CDK14: variants seen among roughly 807,000 people sequenced by gnomAD.
The protein encoded by CDK14 is cyclin-dependent kinase 14.
Under a neutral mutation model 60.7 loss-of-function variants are expected in CDK14, and 34 were observed. The ratio of observed to expected loss-of-function variants is 0.56; its 90% CI spans 0.43 to 0.75. The LOEUF is 0.75. Among genes scored for constraint, CDK14 ranks in the 30% least tolerant of loss-of-function variants. The pLI is 0.00. For missense variants in CDK14, 482 were observed against 564.1 expected (o/e 0.85, Z 1.47); for synonymous variants, 197 against 203.7 (o/e 0.97, Z 0.28).
chr7:90,875,234 A>G (rs1425998636), intron 6 of CDK14, among the ~76,000 whole-genome samples: 1 of 152,224 alleles, frequency 6.6e-6, no homozygotes, highest in East Asian at 1.9e-4. Context: ...CTTTGGATAT[A>G]CATTTTATCT....
At chr7:91,167,418 G>A (rs1012641462) in intron 14 of CDK14, among the ~76,000 whole-genome samples, 2 of 152,178 alleles carry the variant, frequency 1.3e-5, no homozygotes, top group African/African-American at 4.8e-5. Flanking sequence ...GTCAACATGA[G>A]GCCATAAGGT....
intron 10 of CDK14, among the ~76,000 whole-genome samples, chr7:91,026,514 A>AG (rs1240074266): frequency 6.6e-6 from 1 of 152,218 alleles, no homozygotes; most frequent in East Asian, 1.9e-4. Flanking sequence ...CTGATGTGTT[A>AG]GAGTATCTTT....
intron 4 of CDK14, 82 bp from the exon 5 acceptor site, chr7:90,790,491 G>A: frequency 1.2e-6 from 1 of 828,940 alleles, no homozygotes; most frequent in South Asian, 2.0e-5. Context: ...AATTTATTTA[G>A]TTATATAAAT....
intron 11 of CDK14, among the ~76,000 whole-genome samples, chr7:91,056,141 G>A (rs544881728): frequency 2.6e-5 from 4 of 152,252 alleles, no homozygotes; most frequent in East Asian, 3.9e-4. Flanking sequence ...GTTGTCCCTC[G>A]TCTTCAAGGT....
At position 90,635,849 on chromosome 7, in the gene CDK14, C is replaced by T. The variant is rs868852408; in HGVS notation, c.123+31600C>T. 7.4e-3 allele frequency among the ~76,000 whole-genome samples: 1,117 copies of T among 151,800 alleles called. 12 individuals carry two copies. The highest frequency in any genetic ancestry group is 0.024 in the African/African-American group (979 of 41,390). On this transcript the variant is annotated intron_variant, in intron 2 of 14. Transcript: ENST00000380050. ...TAGTTCTCCTTGAAGAGGTCCTTCA[C>T]GTCCCTTGTAAGTTGGATTCCTAGA...
intron 2 of CDK14, among the ~76,000 whole-genome samples, chr7:90,619,311 A>G (rs974984845): frequency 6.6e-6 from 1 of 152,232 alleles, no homozygotes; most frequent in Non-Finnish European, 1.5e-5. Flanking sequence ...CCCATTTCAA[A>G]TAACACAATT....
chr7:90,897,501 G>C (rs1792374853), intron 6 of CDK14, among the ~76,000 whole-genome samples: 1 of 151,970 alleles, frequency 6.6e-6, no homozygotes, highest in South Asian at 2.1e-4. Context: ...ATAGTATAAT[G>C]AGCATTATTT....
chr7:90,647,417 T>A (rs1426458850), intron 2 of CDK14, among the ~76,000 whole-genome samples: 1 of 152,188 alleles, frequency 6.6e-6, no homozygotes, highest in Non-Finnish European at 1.5e-5. Context: ...TATAAGTGAA[T>A]CTTATTTCTA....
chr7:91,086,443 G>A (rs1032148854), intron 12 of CDK14, among the ~76,000 whole-genome samples: 7 of 152,060 alleles, frequency 4.6e-5, no homozygotes, highest in Non-Finnish European at 1.0e-4. Context: ...TTAGGGGTTA[G>A]ACACACAGCT....
At chr7:90,956,712 C>A (rs1584165923) in intron 9 of CDK14, among the ~76,000 whole-genome samples, 1 of 151,964 alleles carries the variant, frequency 6.6e-6, no homozygotes, top group African/African-American at 2.4e-5. Flanking sequence ...GCGCTGCACC[C>A]ACTAACTCTT....
chr7:91,176,145 A>G lies in CDK14; in HGVS notation c.*29-31020A>G, dbSNP rs1384622984. On this transcript the variant is annotated intron_variant, in intron 14 of 14. Coordinates refer to ENST00000380050, the MANE Select transcript of CDK14 (RefSeq NM_001287135.2). ...CAGTGCAATCAAACTAGAACTCAGG[A>G]TTAAGAATCTCACTCAAAACTGCTC... 3.6e-4 allele frequency among the ~76,000 whole-genome samples: 55 copies of G among 151,776 alleles called. 1 individual carries two copies. The highest frequency in any genetic ancestry group is 4.4e-5 in the Non-Finnish European group (3 of 67,846).
At chr7:90,971,599 G>A (rs1203687148) in intron 9 of CDK14, among the ~76,000 whole-genome samples, 2 of 145,874 alleles carry the variant, frequency 1.4e-5, no homozygotes, top group African/African-American at 5.1e-5. Flanking sequence ...TCAGATTGTA[G>A]AAGTATTTAG....
chr7:90,708,754 G>A (rs565789541), intron 2 of CDK14, among the ~76,000 whole-genome samples: 2 of 152,236 alleles, frequency 1.3e-5, no homozygotes, highest in South Asian at 2.1e-4. Flanking sequence ...AGTAGTTACC[G>A]CCTCTTGTAA....
At chr7:91,119,464 A>G (rs1799716244) in intron 14 of CDK14, among the ~76,000 whole-genome samples, 1 of 152,226 alleles carries the variant, frequency 6.6e-6, no homozygotes, top group African/African-American at 2.4e-5. Context: ...AGCCTGAGTG[A>G]CAGAGCCAGA....
chr7:90,613,639 A>G (rs1024991986), intron 2 of CDK14, among the ~76,000 whole-genome samples: 6 of 152,086 alleles, frequency 3.9e-5, no homozygotes, highest in African/African-American at 1.4e-4. Flanking sequence ...GTGAGCTGAG[A>G]TCGTGCCACT....
chr7:91,193,265 A>G (rs1802430642), intron 14 of CDK14, among the ~76,000 whole-genome samples: 1 of 152,240 alleles, frequency 6.6e-6, no homozygotes, highest in Non-Finnish European at 1.5e-5. Context: ...AATGGAAATC[A>G]GAAGGCCTAT....
At chr7:90,924,073 G>A (rs1340927043) in intron 8 of CDK14, among the ~76,000 whole-genome samples, 1 of 152,180 alleles carries the variant, frequency 6.6e-6, no homozygotes, top group Non-Finnish European at 1.5e-5. Context: ...TTGTTACTTA[G>A]AATAACTAAA....
intron 2 of CDK14, among the ~76,000 whole-genome samples, chr7:90,704,782 T>G (rs1270298857): frequency 6.6e-6 from 1 of 152,116 alleles, no homozygotes; most frequent in African/African-American, 2.4e-5. Context: ...TGTTAAACAT[T>G]CAGTTTAACA....
intron 5 of CDK14, among the ~76,000 whole-genome samples, chr7:90,850,080 A>T (rs1022917078): frequency 6.6e-6 from 1 of 152,048 alleles, no homozygotes; most frequent in African/African-American, 2.4e-5. Flanking sequence ...TCCTAATGAC[A>T]TCCTATAGGA....
Sources: gnomAD v4.1 joint callset for allele counts (sites outside exome capture counted in the v4.1 genomes callset) on GRCh38, gnomAD v4.1.1 for gene constraint, MANE v1.5 for transcripts, NCBI Gene and HGNC (gene_info 2026-07-23, HGNC 2026-07-21) for gene names.